CNTNAP5: variants seen among roughly 807,000 people sequenced by gnomAD.
The protein encoded by CNTNAP5 is contactin-associated protein-like 5.
CNTNAP5 carries 72 observed loss-of-function variants against 150.2 expected under a neutral mutation model. The observed-to-expected ratio is 0.48, with a 90% CI of 0.40 to 0.58. The LOEUF (loss-of-function observed/expected upper bound fraction) is 0.58, where lower values mean the gene tolerates loss of function less well. CNTNAP5 is among the 20% of genes least tolerant of loss of function. The probability of loss-of-function intolerance (pLI) is 0.00; values close to 1 mark genes in which losing one functional copy is unlikely to be tolerated. For missense variants in CNTNAP5, 1,636 were observed against 1,626.2 expected (o/e 1.01, Z -0.10); for synonymous variants, 672 against 619.8 (o/e 1.08, Z -1.25).
chr2:124,146,632 T>G (rs911641958), intron 1 of CNTNAP5, among the ~76,000 whole-genome samples: 3 of 152,138 alleles, frequency 2.0e-5, no homozygotes, highest in Non-Finnish European at 4.4e-5. Flanking sequence ...CAAAGAATAT[T>G]TAACAAGGTA....
chr2:124,628,294 A>C (rs561924707), intron 12 of CNTNAP5, among the ~76,000 whole-genome samples: 9 of 152,302 alleles, frequency 5.9e-5, no homozygotes, highest in African/African-American at 2.2e-4. Context: ...GAAGCAAAAA[A>C]ATGTTAAGAG....
chr2:124,635,139 G>A (rs960753151), intron 12 of CNTNAP5, among the ~76,000 whole-genome samples: 1 of 152,166 alleles, frequency 6.6e-6, no homozygotes, highest in African/African-American at 2.4e-5. Context: ...TCCACAGGCT[G>A]TACAGGAAGT....
chr2:124,076,648 C>A (rs1321473332), intron 1 of CNTNAP5, among the ~76,000 whole-genome samples: 1 of 152,054 alleles, frequency 6.6e-6, no homozygotes, highest in Non-Finnish European at 1.5e-5. Context: ...CCAGGTTGTC[C>A]CTTTGCATTT....
At chr2:124,271,492 G>C (rs1459152541) in intron 3 of CNTNAP5, among the ~76,000 whole-genome samples, 1 of 152,048 alleles carries the variant, frequency 6.6e-6, no homozygotes, top group African/African-American at 2.4e-5. Flanking sequence ...TGTGTGGTTT[G>C]GGAAAATGCA....
At chr2:124,808,702 C>T (rs1057355051) in intron 19 of CNTNAP5, among the ~76,000 whole-genome samples, 2 of 152,000 alleles carry the variant, frequency 1.3e-5, no homozygotes, top group East Asian at 1.9e-4. Context: ...AATATGAACT[C>T]ACTGTGGGAA....
chr2:124,577,756 T>A (rs1400783424), intron 11 of CNTNAP5, among the ~76,000 whole-genome samples: 2 of 152,096 alleles, frequency 1.3e-5, no homozygotes, highest in South Asian at 4.2e-4. Context: ...TGCTGGATAA[T>A]GCTGGACTTG....
intron 1 of CNTNAP5, among the ~76,000 whole-genome samples, chr2:124,124,974 G>C (rs1683651998): frequency 6.6e-6 from 1 of 152,156 alleles, no homozygotes; most frequent in Non-Finnish European, 1.5e-5. Context: ...AAATTGTAAA[G>C]ACCATCAATG....
At chr2:124,655,571 G>T (rs999051555) in intron 13 of CNTNAP5, among the ~76,000 whole-genome samples, 18 of 150,710 alleles carry the variant, frequency 1.2e-4, no homozygotes, top group African/African-American at 3.7e-4. Flanking sequence ...TTACCAAAAA[G>T]CTATTTCTAC....
At chr2:124,564,179 C>T in intron 11 of CNTNAP5, among the ~76,000 whole-genome samples, 1 of 152,246 alleles carries the variant, frequency 6.6e-6, no homozygotes, top group Non-Finnish European at 1.5e-5. Flanking sequence ...CAGGGGTCCT[C>T]TGCTCTGTGG....
intron 4 of CNTNAP5, among the ~76,000 whole-genome samples, chr2:124,431,620 A>T (rs1038109635): frequency 6.8e-6 from 1 of 146,250 alleles, no homozygotes; most frequent in Non-Finnish European, 1.5e-5. Flanking sequence ...ATTTCTTTAT[A>T]TAAACATTAT....
intron 3 of CNTNAP5, among the ~76,000 whole-genome samples, chr2:124,259,763 A>T (rs908609225): frequency 6.6e-6 from 1 of 152,186 alleles, no homozygotes; most frequent in African/African-American, 2.4e-5. Context: ...ACTCCCATTC[A>T]CAATTGCTTC....
At chr2:124,501,308 T>TA (rs1694274136) in intron 7 of CNTNAP5, among the ~76,000 whole-genome samples, 1 of 152,224 alleles carries the variant, frequency 6.6e-6, no homozygotes, top group Non-Finnish European at 1.5e-5. Flanking sequence ...CACAATTTTA[T>TA]AATGCTTGAA....
chr2:124,901,732 G>T (rs559161308), intron 21 of CNTNAP5, among the ~76,000 whole-genome samples: 1 of 152,140 alleles, frequency 6.6e-6, no homozygotes, highest in Non-Finnish European at 1.5e-5. Context: ...AACAATACAC[G>T]ATTTGATTTT....
chr2:124,205,976 G>A (rs897955553), intron 1 of CNTNAP5, among the ~76,000 whole-genome samples: 2 of 152,184 alleles, frequency 1.3e-5, no homozygotes, highest in African/African-American at 4.8e-5. Context: ...CCTACTCGGT[G>A]ATTTAAAGTT....
intron 10 of CNTNAP5, among the ~76,000 whole-genome samples, chr2:124,532,292 T>G (rs1239247186): frequency 6.6e-6 from 1 of 152,190 alleles, no homozygotes; most frequent in African/African-American, 2.4e-5. Context: ...TCAGATTCTT[T>G]GTAACATTTA....
At chr2:124,145,873 C>T (rs1684240255) in intron 1 of CNTNAP5, among the ~76,000 whole-genome samples, 1 of 133,772 alleles carries the variant, frequency 7.5e-6, no homozygotes, top group African/African-American at 2.8e-5. Flanking sequence ...GGATTTGGAG[C>T]TTTGAAGTTC....
At chr2:124,862,031 C>G (rs565337742) in intron 19 of CNTNAP5, among the ~76,000 whole-genome samples, 7 of 152,272 alleles carry the variant, frequency 4.6e-5, no homozygotes, top group Admixed American at 4.6e-4. Flanking sequence ...CCAGGCTGGT[C>G]TCGAACTCCT....
intron 19 of CNTNAP5, among the ~76,000 whole-genome samples, chr2:124,819,292 A>G (rs899612445): frequency 1.3e-5 from 2 of 152,142 alleles, no homozygotes; most frequent in African/African-American, 4.8e-5. Context: ...TACAGTATTC[A>G]GTTGACTGAA....
chr2:124,234,015 A>G lies in CNTNAP5; in HGVS notation c.188-8185A>G, dbSNP rs1371243410. The stretch of plus-strand genomic sequence containing the variant: ...GCATAAAGTATATACTGCTCATGAG[A>G]AAAAAAATGTAAGTGGTAATGTCAT... On this transcript the variant is annotated intron_variant, in intron 2 of 23. Coordinates refer to ENST00000682447, the MANE Select transcript of CNTNAP5 (RefSeq NM_001367498.1). Among the ~76,000 whole-genome samples, 8 of 151,998 alleles carry G rather than the reference A, an allele frequency of 5.3e-5. 1 individual carries two copies. Among genetic ancestry groups the G allele is most frequent in the African/African-American group, 1.4e-4 (6 of 41,506 alleles).
Sources: allele counts gnomAD v4.1 joint callset (sites outside exome capture counted in the v4.1 genomes callset), GRCh38; gene constraint gnomAD v4.1.1; transcripts MANE v1.5; gene names NCBI Gene and HGNC (gene_info 2026-07-23, HGNC 2026-07-21).